PHIP: variants seen among roughly 807,000 people sequenced by gnomAD.
The protein encoded by PHIP is PH-interacting protein.
PHIP carries 54 observed loss-of-function variants against 236.8 expected under a neutral mutation model. That is an observed-to-expected ratio of 0.23 (90% CI 0.18 to 0.29). The LOEUF (loss-of-function observed/expected upper bound fraction) is 0.29. Among genes scored for constraint, PHIP ranks in the 10% least tolerant of loss-of-function variants. PHIP has a pLI of 1.00. For synonymous variants in PHIP, 756 were observed against 718.9 expected, an observed-to-expected ratio of 1.05 and a Z score of -0.83; for missense variants, 1,370 against 2,190.8, an observed-to-expected ratio of 0.63 and a Z score of 7.48.
At position 78,939,327 on chromosome 6, in the gene PHIP, G is replaced by A. The variant is rs1773382779; in HGVS notation, c.*1366C>T. ...TCATTAAATGGAGTTTTTCTTTAGGGTGTATATTGACATACCAGCATGATA... is the reference window on the plus strand; with the variant it reads ...TCATTAAATGGAGTTTTTCTTTAGGATGTATATTGACATACCAGCATGATA... On this transcript the variant is annotated 3_prime_UTR_variant, in exon 40 of 40. Coordinates refer to ENST00000275034, the MANE Select transcript of PHIP (RefSeq NM_017934.7). The A allele has an allele frequency of 6.6e-6, 1 of 151,538 alleles. No individual in the cohort carries two copies. The highest frequency in any genetic ancestry group is 6.6e-5 in the Admixed American group (1 of 15,206). The allele number at this position is 151,538 out of a possible 1,614,324, so 9.4% of individuals were successfully genotyped here.
chr6:79,065,461 G>A (rs902194113), intron 4 of PHIP, among the ~76,000 whole-genome samples: 7 of 151,880 alleles, frequency 4.6e-5, no homozygotes, highest in Admixed American at 3.3e-4. Flanking sequence ...GGTTATTTAC[G>A]CATAATCTCT....
chr6:79,056,019 T>C (rs771740481), intron 6 of PHIP, among the ~76,000 whole-genome samples: 26 of 152,326 alleles, frequency 1.7e-4, no homozygotes, highest in Middle Eastern at 3.4e-3. Flanking sequence ...TCCCAGTGTA[T>C]GAATTTCATC....
chr6:78,957,842 A>C (rs1766531672), intron 32 of PHIP: 1 of 152,050 alleles, frequency 6.6e-6, no homozygotes, highest in African/African-American at 2.4e-5. Context: ...CTGCCTTAAT[A>C]AATAGTGCTT....
intron 39 of PHIP, among the ~76,000 whole-genome samples, chr6:78,942,976 G>A (rs765645139): frequency 7.2e-5 from 11 of 152,008 alleles, no homozygotes; most frequent in Non-Finnish European, 1.6e-4. Flanking sequence ...GATATTGAAC[G>A]GTGTTGTCCT....
chr6:79,059,591 T>TTATATATATATATA lies in PHIP; in HGVS notation c.439+873_439+886dup, dbSNP rs72226338. Among the ~76,000 whole-genome samples, 498 of 84,506 alleles carry TTATATATATATATA rather than the reference T, an allele frequency of 5.9e-3. 3 individuals carry two copies. The highest frequency in any genetic ancestry group is 0.012 in the African/African-American group (261 of 21,036). 55.4% of individuals were successfully genotyped at this position (84,506 alleles called of 152,430 possible). A position where few individuals can be genotyped will look rare whatever the true frequency, so the allele number is the denominator to read the frequency against. ...AGGAAACAAAAAGTTGAAAGCAAAA[T>TTATATATATATATA]TATATATATATATATATATATATAT... On this transcript the variant is annotated intron_variant, in intron 6 of 39. Coordinates refer to ENST00000275034, the MANE Select transcript of PHIP (RefSeq NM_017934.7).
intron 29 of PHIP, among the ~76,000 whole-genome samples, chr6:78,963,778 G>T (rs1057034820): frequency 5.3e-5 from 8 of 152,182 alleles, no homozygotes; most frequent in Admixed American, 2.6e-4. Context: ...TTAGCTGAGA[G>T]AATCACTAGA....
chr6:78,945,200 A>G, intron 39 of PHIP, 100 bp downstream of exon 39: 1 of 872,612 alleles, frequency 1.1e-6, no homozygotes, highest in Non-Finnish European at 1.9e-6. Context: ...GTGACTTTTA[A>G]GTGGGCAACC....
chr6:79,022,745 C>T (rs1414692215), intron 9 of PHIP, among the ~76,000 whole-genome samples: 1 of 152,146 alleles, frequency 6.6e-6, no homozygotes, highest in Non-Finnish European at 1.5e-5. Context: ...CACTTAGCCA[C>T]TTAGACTACC....
intron 27 of PHIP, among the ~76,000 whole-genome samples, chr6:78,966,798 A>C (rs936605913): frequency 5.9e-5 from 9 of 152,290 alleles, no homozygotes; most frequent in African/African-American, 1.9e-4. Context: ...TCCTTTATGC[A>C]ATGTTTTCCT....
intron 4 of PHIP, among the ~76,000 whole-genome samples, chr6:79,065,059 A>T (rs1429273074): frequency 6.6e-6 from 1 of 152,106 alleles, no homozygotes; most frequent in Admixed American, 6.6e-5. Context: ...CCTCCTTCCC[A>T]TCATATTCCC....
intron 15 of PHIP, among the ~76,000 whole-genome samples, chr6:79,011,577 T>C (rs914918462): frequency 6.6e-6 from 1 of 151,750 alleles, no homozygotes; most frequent in African/African-American, 2.4e-5. Context: ...ATCTCACGTG[T>C]CATATACTTC....
intron 7 of PHIP, among the ~76,000 whole-genome samples, chr6:79,036,105 G>C (rs1398742947): frequency 6.6e-6 from 1 of 152,144 alleles, no homozygotes; most frequent in African/African-American, 2.4e-5. Context: ...AGCATTATCA[G>C]CAATCATTTT....
intron 23 of PHIP, among the ~76,000 whole-genome samples, chr6:78,982,249 A>T (rs183384302): frequency 2.6e-5 from 4 of 152,038 alleles, no homozygotes; most frequent in African/African-American, 9.7e-5. Flanking sequence ...TTTCAACTCC[A>T]TAAGAGCTGA....
rs183706570 is a variant in PHIP at position 79,000,908 on chromosome 6, C to T, written c.1879+991G>A. 1.4e-4 allele frequency among the ~76,000 whole-genome samples: 21 copies of T among 152,140 alleles called. 1 individual carries two copies. The highest frequency in any genetic ancestry group is 3.9e-4 in the African/African-American group (16 of 41,532). On this transcript the variant is annotated intron_variant, in intron 17 of 39. Transcript: ENST00000275034. ...CTTCTCACCCTCCATTCTAAGTGGACGTGTCTAATTCCAAGAGGAGCCCCT... is the reference window on the plus strand; with the variant it reads ...CTTCTCACCCTCCATTCTAAGTGGATGTGTCTAATTCCAAGAGGAGCCCCT...
At chr6:78,978,152 A>AT (rs1168113906) in intron 24 of PHIP, among the ~76,000 whole-genome samples, 5 of 152,250 alleles carry the variant, frequency 3.3e-5, no homozygotes, top group Admixed American at 6.5e-5. Flanking sequence ...AAGATTATAG[A>AT]TTTTTTAAAG....
At chr6:79,071,880 G>A (rs1398894013) in intron 4 of PHIP, among the ~76,000 whole-genome samples, 1 of 151,610 alleles carries the variant, frequency 6.6e-6, no homozygotes, top group East Asian at 1.9e-4. Flanking sequence ...TTTAACTTAA[G>A]CTGAAGCTGC....
At chr6:79,027,550 C>A (rs1771468770) in intron 7 of PHIP, among the ~76,000 whole-genome samples, 1 of 152,136 alleles carries the variant, frequency 6.6e-6, no homozygotes, top group South Asian at 2.1e-4. Flanking sequence ...TATGTGACAA[C>A]CACTAAAGAT....
chr6:79,067,733 CAAAAG>C (rs1773693449), intron 4 of PHIP: 1 of 153,106 alleles, frequency 6.5e-6, no homozygotes, highest in African/African-American at 2.4e-5. Flanking sequence ...TCAGCAAGAA[CAAAAG>C]AATTCTGTGA....
Position 78,961,705 on chromosome 6 carries a change from T to C in PHIP, c.3641A>G (p.Glu1214Gly), listed in dbSNP as rs1443170082. The C allele has an allele frequency of 3.7e-6, 6 of 1,612,260 alleles. No individual in the cohort carries two copies. The African/African-American group carries it at 5.3e-5, about 14-fold the overall frequency. Reference protein sequence around the residue: ...TDLSTIKQRLENRFYRRVSSL... With the variant: ...TDLSTIKQRLGNRFYRRVSSL... The stretch of plus-strand genomic sequence containing the variant: ...TGGTTCTAACCTGTAAAACCTGTTT[T>C]CCAGTCTTTGTTTAATTGTACTTAG... The change falls in exon 31 of 40, where the codon GAA becomes GGA. Residue 1214 changes from glutamate to glycine, a missense_variant. Glu to Gly is a moderately conservative substitution (Grantham distance 98, BLOSUM62 -2). This residue lies in a region of PHIP where 238 missense variants were observed against 398.5 expected (regional missense o/e 0.60). Transcript: ENST00000275034.
Sources: allele counts gnomAD v4.1 joint callset (sites outside exome capture counted in the v4.1 genomes callset), GRCh38; gene constraint gnomAD v4.1.1; regional missense constraint gnomAD v4.1.1; transcripts MANE v1.5; gene names NCBI Gene and HGNC (gene_info 2026-07-23, HGNC 2026-07-21).